HECW2: variants seen among roughly 807,000 people sequenced by gnomAD.
The protein encoded by HECW2 is HECT, C2 and WW domain containing E3 ubiquitin protein ligase 2.
In HECW2, 61 loss-of-function variants were observed where a neutral mutation model predicts 175.2. That is an observed-to-expected ratio of 0.35 (90% CI 0.28 to 0.43). HECW2 has a LOEUF of 0.43. Ranked by LOEUF, HECW2 falls within the 20% of genes least tolerant of loss-of-function variation. The pLI is 1.00. For synonymous variants in HECW2, 671 were observed against 731.0 expected (o/e 0.92, Z 1.32); for missense variants, 1,524 against 2,000.5 (o/e 0.76, Z 4.54).
chr2:196,228,429 C>A (rs1237888880), intron 21 of HECW2, among the ~76,000 whole-genome samples, 175 bp from the exon 22 acceptor site: 2 of 152,162 alleles, frequency 1.3e-5, no homozygotes, highest in African/African-American at 4.8e-5. Flanking sequence ...TGTGTCTTGA[C>A]CCAGATTAGT....
chr2:196,248,975 T>C (rs1688758913), intron 19 of HECW2, among the ~76,000 whole-genome samples: 1 of 152,144 alleles, frequency 6.6e-6, no homozygotes, highest in African/African-American at 2.4e-5. Context: ...TGCATCATGA[T>C]TCATAGGCAC....
chr2:196,198,361 T>C lies in HECW2; in HGVS notation c.*2916A>G, dbSNP rs1351392320. 6.6e-6 allele frequency: 1 copy of C among 152,220 alleles called. No homozygotes were observed. Among genetic ancestry groups the C allele is most frequent in the Non-Finnish European group, 1.5e-5 (1 of 68,038 alleles). The allele number at this position is 152,220 out of a possible 1,614,324, so 9.4% of individuals were successfully genotyped here. ...TTTTTTAGCCACACTATCATCTATA[T>C]ATGAAGCCATTATTGAATCTCCCAG... is the stretch of plus-strand genomic sequence containing the variant. On this transcript the variant is annotated 3_prime_UTR_variant, in exon 29 of 29. Coordinates refer to ENST00000644978, the MANE Select transcript of HECW2 (RefSeq NM_001348768.2).
intron 2 of HECW2, among the ~76,000 whole-genome samples, chr2:196,426,160 T>C (rs1350234725): frequency 6.6e-6 from 1 of 152,228 alleles, no homozygotes; most frequent in Non-Finnish European, 1.5e-5. Context: ...CAGTTTTTTT[T>C]AGACATAGTG....
In HECW2 at chr2:196,589,166, T is replaced by A. The variant is rs1421272459; in HGVS notation, c.-36+4342A>T. On this transcript the variant is annotated intron_variant, in intron 1 of 28. Coordinates refer to ENST00000644978, the MANE Select transcript of HECW2 (RefSeq NM_001348768.2). Reference sequence around the variant, plus strand: ...GTGAGCCAAGATTGCACCACTGCACTCCAGTCTGGGCAACGGAGTGAGACC... The same window carrying A: ...GTGAGCCAAGATTGCACCACTGCACACCAGTCTGGGCAACGGAGTGAGACC... Among the ~76,000 whole-genome samples, 9 of 152,232 alleles carry A rather than the reference T, an allele frequency of 5.9e-5. No homozygotes were observed. The South Asian group carries it at 1.9e-3, about 32-fold the overall frequency.
chr2:196,318,553 T>C lies in HECW2; in HGVS notation c.2337A>G (p.Gly779=). 1 of 1,505,042 alleles carries C rather than the reference T, an allele frequency of 6.6e-7. No individual in the cohort carries two copies. The highest frequency in any genetic ancestry group is 8.9e-7 in the Non-Finnish European group (1 of 1,126,436). The allele number at this position is 1,505,042 out of a possible 1,614,324, so 93.2% of individuals were successfully genotyped here. A position where few individuals can be genotyped will look rare whatever the true frequency, so the allele number is the denominator to read the frequency against. The change falls in exon 9 of 29, where the codon GGA becomes GGG. Residue 779 remains glycine, a splice_region_variant and synonymous_variant. Coordinates refer to ENST00000644978, the MANE Select transcript of HECW2 (RefSeq NM_001348768.2). ...GCCACAGTGGTGTCCATATCCTACC[T>C]CCAGTAGCGCCCTCCTCCTGGGCAG... ...GATAQEEGAT[G]GSQANGHQPL...
chr2:196,543,419 T>TA (rs1442832284), intron 1 of HECW2, among the ~76,000 whole-genome samples: 1 of 152,072 alleles, frequency 6.6e-6, no homozygotes, highest in Non-Finnish European at 1.5e-5. Context: ...AATGTATTTG[T>TA]AAATGTGCAT....
intron 17 of HECW2, among the ~76,000 whole-genome samples, chr2:196,267,051 T>C (rs941607296): frequency 6.6e-6 from 1 of 152,168 alleles, no homozygotes; most frequent in Non-Finnish European, 1.5e-5. Context: ...TCACAGATCA[T>C]GTCCTCATGG....
Position 196,425,874 on chromosome 2 carries a change from G to A in HECW2, c.292+7258C>T, listed in dbSNP as rs1484051419. Among the ~76,000 whole-genome samples, 6 of 152,282 alleles carry A rather than the reference G, an allele frequency of 3.9e-5. No individual in the cohort carries two copies. In the South Asian group the frequency reaches 1.0e-3, roughly 26 times the overall value. ...AAGATTGACTCCAATTTTGAAAAAA[G>A]TTCTACTGTGGGTAAAATGCTATCA... On this transcript the variant is annotated intron_variant, in intron 2 of 28. Transcript: ENST00000644978.
chr2:196,318,007 T>A (rs944830172), intron 9 of HECW2, among the ~76,000 whole-genome samples: 4 of 152,242 alleles, frequency 2.6e-5, no homozygotes, highest in African/African-American at 7.2e-5. Flanking sequence ...CTACCTTTGA[T>A]GCATAGCATA....
intron 4 of HECW2, among the ~76,000 whole-genome samples, chr2:196,330,035 C>T (rs531985435): frequency 2.6e-4 from 40 of 152,144 alleles, no homozygotes; most frequent in African/African-American, 7.2e-4. Context: ...CTAGAATAAA[C>T]GAAACAATTG....
chr2:196,276,249 C>T (rs899511707), intron 15 of HECW2, among the ~76,000 whole-genome samples: 3 of 152,214 alleles, frequency 2.0e-5, no homozygotes, highest in East Asian at 1.9e-4. Context: ...GACACTCCCC[C>T]GGAAGGTTTA....
chr2:196,282,974 G>A (rs554055915), intron 14 of HECW2, among the ~76,000 whole-genome samples: 1 of 152,168 alleles, frequency 6.6e-6, no homozygotes, highest in East Asian at 1.9e-4. Flanking sequence ...AAAGTTGGAA[G>A]GAGCGGCTAG....
chr2:196,205,844 T>C (rs1177772564), intron 28 of HECW2, among the ~76,000 whole-genome samples: 1 of 152,170 alleles, frequency 6.6e-6, no homozygotes, highest in Non-Finnish European at 1.5e-5. Flanking sequence ...GATACCTACA[T>C]TGGCTATTTG....
intron 17 of HECW2, among the ~76,000 whole-genome samples, chr2:196,266,894 C>A (rs1030808659): frequency 4.6e-5 from 7 of 152,186 alleles, no homozygotes; most frequent in South Asian, 2.1e-4. Flanking sequence ...ATAGAAGGTT[C>A]AAGTCTGCAT....
chr2:196,560,253 C>A (rs1238831447), intron 1 of HECW2, among the ~76,000 whole-genome samples: 1 of 152,172 alleles, frequency 6.6e-6, no homozygotes, highest in Non-Finnish European at 1.5e-5. Flanking sequence ...TCAAGTGATT[C>A]TCCTGCCTCA....
At chr2:196,586,083 T>C (rs1233298732) in intron 1 of HECW2, among the ~76,000 whole-genome samples, 1 of 152,206 alleles carries the variant, frequency 6.6e-6, no homozygotes, top group East Asian at 1.9e-4. Flanking sequence ...GTCTAAGTTC[T>C]ATTACTTTGA....
At chr2:196,291,561 C>A (rs1035305312) in intron 14 of HECW2, 6 of 152,284 alleles carry the variant, frequency 3.9e-5, no homozygotes, top group Non-Finnish European at 7.4e-5. Flanking sequence ...TTTTAATTTT[C>A]CCTACCCTTC....
intron 17 of HECW2, 176 bp from the exon 18 acceptor site, chr2:196,258,082 G>A (rs959096200): frequency 8.6e-5 from 39 of 452,890 alleles, no homozygotes; most frequent in South Asian, 5.8e-4. Context: ...TGCCTTCAAG[G>A]GGGGGGATCT....
At chr2:196,332,883 C>G (rs1201181975) in intron 4 of HECW2, among the ~76,000 whole-genome samples, 1 of 152,074 alleles carries the variant, frequency 6.6e-6, no homozygotes, top group African/African-American at 2.4e-5. Flanking sequence ...CTCTTTGTGA[C>G]CTTCAAAGTC....
Sources: gnomAD v4.1 joint callset for allele counts (sites outside exome capture counted in the v4.1 genomes callset) on GRCh38, gnomAD v4.1.1 for gene constraint, MANE v1.5 for transcripts, NCBI Gene and HGNC (gene_info 2026-07-23, HGNC 2026-07-21) for gene names.